PLCG2: variants seen among roughly 807,000 people sequenced by gnomAD.
PLCG2 encodes the protein 1-phosphatidylinositol 4,5-bisphosphate phosphodiesterase gamma-2.
A neutral mutation model predicts 175.6 loss-of-function variants in PLCG2; 69 were observed. That is an observed-to-expected ratio of 0.39 (90% CI 0.32 to 0.48). The LOEUF (loss-of-function observed/expected upper bound fraction) is 0.48, where lower values mean the gene tolerates loss of function less well. Ranked by LOEUF, PLCG2 falls within the 20% of genes least tolerant of loss-of-function variation. The pLI is 0.91. For synonymous variants in PLCG2, 827 were observed against 624.0 expected, an observed-to-expected ratio of 1.33 and a Z score of -4.85; for missense variants, 1,798 against 1,650.9, an observed-to-expected ratio of 1.09 and a Z score of -1.54.
chr16:81,952,562 T>G (rs1911409463), intron 31 of PLCG2, among the ~76,000 whole-genome samples: 2 of 152,008 alleles, frequency 1.3e-5, no homozygotes, highest in Admixed American at 1.3e-4. Flanking sequence ...CAAAGGGGCC[T>G]AGGAACCAAC....
Position 81,935,808 on chromosome 16 carries a change from T to C in PLCG2, c.2843-361T>C, listed in dbSNP as rs1387202628. 14 of 985,274 alleles carry C rather than the reference T, an allele frequency of 1.4e-5. No individual in the cohort carries two copies. The African/African-American group carries it at 2.3e-4, about 16-fold the overall frequency. 61.0% of individuals were successfully genotyped at this position (985,274 alleles called of 1,614,324 possible). A position where few individuals can be genotyped will look rare whatever the true frequency, so the allele number is the denominator to read the frequency against. ...ATCTTGTGTCTGTGGTCTCTCTGGATCTTCCCCTCCCAAGATCTTCTCCTA... is the reference window on the plus strand; with the variant it reads ...ATCTTGTGTCTGTGGTCTCTCTGGACCTTCCCCTCCCAAGATCTTCTCCTA... On this transcript the variant is annotated intron_variant, in intron 26 of 32. Transcript: ENST00000564138.
At chr16:81,924,272 T>C (rs1910172206) in intron 22 of PLCG2, among the ~76,000 whole-genome samples, 1 of 152,262 alleles carries the variant, frequency 6.6e-6, no homozygotes, top group Non-Finnish European at 1.5e-5. Flanking sequence ...TTGCTCATAA[T>C]AGTGAGCACT....
chr16:81,936,027 A>G (rs1175869053), intron 26 of PLCG2, 142 bp from the exon 27 acceptor site: 4 of 1,455,264 alleles, frequency 2.7e-6, no homozygotes, highest in East Asian at 2.5e-5. Context: ...AATTGGGACA[A>G]TATCATCAGA....
At chr16:81,848,659 G>A (rs1192680187) in intron 2 of PLCG2, among the ~76,000 whole-genome samples, 1 of 151,980 alleles carries the variant, frequency 6.6e-6, no homozygotes, top group East Asian at 1.9e-4. Context: ...GATCCCTCTT[G>A]AGGTCCCCAT....
intron 2 of PLCG2, among the ~76,000 whole-genome samples, chr16:81,762,631 T>C (rs1910065436): frequency 6.6e-6 from 1 of 151,596 alleles, no homozygotes; most frequent in African/African-American, 2.4e-5. Flanking sequence ...CAGAGTCCTA[T>C]AGATGAAACA....
intron 14 of PLCG2, among the ~76,000 whole-genome samples, chr16:81,903,072 C>G (rs1267433101): frequency 6.6e-6 from 1 of 152,170 alleles, no homozygotes; most frequent in Non-Finnish European, 1.5e-5. Flanking sequence ...ATATTACCTT[C>G]CAAAGCTACC....
chr16:81,814,633 T>TGCAGTGAACCAAGATCATGCC (rs1945387337), intron 2 of PLCG2, among the ~76,000 whole-genome samples: 2 of 151,852 alleles, frequency 1.3e-5, no homozygotes, highest in South Asian at 4.2e-4. Context: ...AGGTGGAGGT[T>TGCAGTGAACCAAGATCATGCC]GCAGTGAACC....
chr16:81,794,465 G>T (rs1911376124), intron 2 of PLCG2, among the ~76,000 whole-genome samples: 1 of 152,146 alleles, frequency 6.6e-6, no homozygotes, highest in Non-Finnish European at 1.5e-5. Flanking sequence ...CGCAACCAAT[G>T]CCTGAAGTGT....
intron 1 of PLCG2, among the ~76,000 whole-genome samples, chr16:81,782,216 C>A (rs1162233160): frequency 7.4e-6 from 1 of 134,232 alleles, no homozygotes. Context: ...GATACAAGAA[C>A]ATGAATGAGC....
At position 81,829,931 on chromosome 16, in the gene PLCG2, C is replaced by G. The variant is rs556609711; in HGVS notation, c.194-24513C>G. ...TCGCTCTCTAGGGGGCTTATTCTAC[C>G]TCTCGGTGGCATCCCCACTAGGTGC... On this transcript the variant is annotated intron_variant, in intron 2 of 32. Coordinates refer to ENST00000564138, the MANE Select transcript of PLCG2 (RefSeq NM_002661.5). Among the ~76,000 whole-genome samples, 4 of 152,088 alleles carry G rather than the reference C, an allele frequency of 2.6e-5. 1 individual carries two copies. In the South Asian group the frequency reaches 8.3e-4, roughly 32 times the overall value.
In PLCG2 at chr16:81,936,938, T is replaced by TGGA. The variant is rs139812084; in HGVS notation, c.3052+563_3052+565dup. ...CAATCATTTATTTAATAAGTCCCCG[T>TGGA]GGAGGCACATGTAGGTATTCCCCAT... is the stretch of plus-strand genomic sequence containing the variant. On this transcript the variant is annotated intron_variant, in intron 27 of 32. Coordinates refer to ENST00000564138, the MANE Select transcript of PLCG2 (RefSeq NM_002661.5). Among the ~76,000 whole-genome samples, 1,415 of 152,308 alleles carry TGGA rather than the reference T, an allele frequency of 9.3e-3. 24 individuals are homozygous for TGGA. Among genetic ancestry groups the TGGA allele is most frequent in the African/African-American group, 0.033 (1,355 of 41,566 alleles).
At chr16:81,814,812 C>T (rs1342961696) in intron 2 of PLCG2, among the ~76,000 whole-genome samples, 1 of 152,190 alleles carries the variant, frequency 6.6e-6, no homozygotes, top group Non-Finnish European at 1.5e-5. Flanking sequence ...GGGAGTTAAC[C>T]TCTCTGAACC....
intron 2 of PLCG2, chr16:81,767,107 C>T (rs1473366851): frequency 6.7e-6 from 1 of 148,982 alleles, no homozygotes; most frequent in African/African-American, 2.5e-5. Flanking sequence ...TCCTGCTCCT[C>T]TCCACCCCAT....
chr16:81,810,403 C>T (rs968238908), intron 2 of PLCG2, among the ~76,000 whole-genome samples: 2 of 152,206 alleles, frequency 1.3e-5, no homozygotes, highest in African/African-American at 4.8e-5. Flanking sequence ...TTATTTGCAG[C>T]ATCAGTATTG....
intron 1 of PLCG2, among the ~76,000 whole-genome samples, chr16:81,785,378 C>A (rs540691603): frequency 6.6e-6 from 1 of 152,164 alleles, no homozygotes; most frequent in Non-Finnish European, 1.5e-5. Flanking sequence ...AGGGTTTGAA[C>A]GTGAAGCTGC....
intron 2 of PLCG2, among the ~76,000 whole-genome samples, chr16:81,832,318 G>A (rs774408909): frequency 6.6e-6 from 1 of 152,224 alleles, no homozygotes; most frequent in East Asian, 1.9e-4. Context: ...ATAATCCTCA[G>A]ATTAAGCAAA....
At chr16:81,786,464 C>T (rs1265990292) in intron 2 of PLCG2, among the ~76,000 whole-genome samples, 1 of 152,108 alleles carries the variant, frequency 6.6e-6, no homozygotes, top group Non-Finnish European at 1.5e-5. Context: ...GGTTCTGTGC[C>T]CTGTCTGACA....
Position 81,882,210 on chromosome 16 carries a change from C to T in PLCG2, c.693-1059C>T, listed in dbSNP as rs928494264. On this transcript the variant is annotated intron_variant, in intron 8 of 32. Transcript: ENST00000564138. ...GTAGCAGAATGTACTCCCCATCCAACCCGGGGGTGGCTCGTGCTGGCCCAG... is the reference window on the plus strand; with the variant it reads ...GTAGCAGAATGTACTCCCCATCCAATCCGGGGGTGGCTCGTGCTGGCCCAG... Among the ~76,000 whole-genome samples the T allele has an allele frequency of 5.3e-5, 8 of 152,240 alleles. No homozygotes were observed. The South Asian group carries it at 1.7e-3, about 32-fold the overall frequency.
At chr16:81,811,378 G>C (rs1348885432) in intron 2 of PLCG2, among the ~76,000 whole-genome samples, 1 of 152,176 alleles carries the variant, frequency 6.6e-6, no homozygotes, top group Non-Finnish European at 1.5e-5. Context: ...TCGGGGTTCA[G>C]GACTCAAAAG....
Sources: gnomAD v4.1 joint callset for allele counts (sites outside exome capture counted in the v4.1 genomes callset) on GRCh38, gnomAD v4.1.1 for gene constraint, MANE v1.5 for transcripts, NCBI Gene and HGNC (gene_info 2026-07-23, HGNC 2026-07-21) for gene names.